The following PALM variants were observed in gnomAD, a reference collection of about 807,000 sequenced individuals.
PALM encodes the protein paralemmin-1.
PALM carries 18 observed loss-of-function variants against 30.7 expected under a neutral mutation model. The observed-to-expected ratio is 0.59, with a 90% CI of 0.41 to 0.87. The LOEUF is 0.87. Among genes scored for constraint, PALM ranks in the 40% least tolerant of loss-of-function variants. PALM has a pLI of 0.00. For missense variants in PALM, 529 were observed against 555.4 expected (o/e 0.95, Z 0.48); for synonymous variants, 286 against 242.8 (o/e 1.18, Z -1.66).
intron 1 of PALM, chr19:722,502 T>TACAGGCTC (rs1199789928): frequency 1.3e-5 from 2 of 152,262 alleles, no homozygotes; most frequent in Non-Finnish European, 2.9e-5. Context: ...ATGCTGGAAT[T>TACAGGCTC]ACAGGCTTGA....
chr19:734,270 G>C (rs1452459064), intron 6 of PALM, 76 bp downstream of exon 6: 1 of 1,464,992 alleles, frequency 6.8e-7, no homozygotes, highest in Non-Finnish European at 9.5e-7. Context: ...GGCGGGGAGT[G>C]AAGCTACAAA....
At chr19:719,601 C>T in intron 1 of PALM, 9 of 986,620 alleles carry the variant, frequency 9.1e-6, no homozygotes, top group Non-Finnish European at 1.1e-5. Context: ...ACCAGGACCG[C>T]CGCCGCCCTG....
chr19:739,227 AATAG>A (rs984906601), intron 7 of PALM, among the ~76,000 whole-genome samples: 1 of 152,082 alleles, frequency 6.6e-6, no homozygotes, highest in African/African-American at 2.4e-5. Context: ...TCTGAGTCTA[AATAG>A]ATGACGGCGT....
In PALM at chr19:740,426, C is replaced by G. The variant is rs1156818362; in HGVS notation, c.577C>G (p.Leu193Val). 9.0e-6 allele frequency: 14 copies of G among 1,554,040 alleles called. 1 individual carries two copies. The East Asian group carries it at 3.4e-4, about 38-fold the overall frequency. Residue 193 changes from leucine to valine, a missense_variant, in exon 8 of 9, where the codon CTG (leucine) becomes GTG (valine). Transcript: ENST00000338448. ...GACCAGGGTGCTGTCCAGCACCACG[C>G]TGCTCCCTCGGCAGCCGCTCCCTCT... The part of the protein sequence containing the change: ...GETRVLSSTT[L>V]LPRQPLPLGI...
chr19:734,265 G>C (rs2032956997), intron 6 of PALM, 71 bp downstream of exon 6: 5 of 1,483,486 alleles, frequency 3.4e-6, no homozygotes, highest in Non-Finnish European at 4.7e-6. Context: ...GGCAGGGCGG[G>C]GAGTGAAGCT....
At chr19:733,672 G>C (rs747538203) in intron 5 of PALM, among the ~76,000 whole-genome samples, 1 of 152,208 alleles carries the variant, frequency 6.6e-6, no homozygotes, top group Non-Finnish European at 1.5e-5. Flanking sequence ...CGCTGATGCG[G>C]GGGTATGTGG....
At chr19:741,369 GCTGAGGGGAGTTGGGCTGCAGGA>G (rs2033182530) in intron 8 of PALM, among the ~76,000 whole-genome samples, 1 of 150,692 alleles carries the variant, frequency 6.6e-6, no homozygotes. Context: ...GGGCTGGAGG[GCTGAGGGGAGTTGGGCTGCAGGA>G]GTGAGGGGAG....
At chr19:714,343 G>A (rs1324960163) in intron 1 of PALM, among the ~76,000 whole-genome samples, 4 of 113,616 alleles carry the variant, frequency 3.5e-5, no homozygotes, top group Non-Finnish European at 7.3e-5. Flanking sequence ...CCCAGCCTAC[G>A]TTCTTTTTTT....
At chr19:719,532 C>G (rs2032385124) in intron 1 of PALM, 5 of 985,620 alleles carry the variant, frequency 5.1e-6, no homozygotes, top group Non-Finnish European at 6.0e-6. Flanking sequence ...GCCAGGGAGG[C>G]TCGGAGACCC....
At chr19:733,191 G>A (rs1042227961) in intron 5 of PALM, among the ~76,000 whole-genome samples, 3 of 152,328 alleles carry the variant, frequency 2.0e-5, no homozygotes, top group Non-Finnish European at 4.4e-5. Context: ...CTCCCAAAGT[G>A]CTGGGATTAG....
At chr19:741,417 T>A (rs1430279626) in intron 8 of PALM, among the ~76,000 whole-genome samples, 1 of 138,060 alleles carries the variant, frequency 7.2e-6, no homozygotes, top group Non-Finnish European at 1.6e-5. Flanking sequence ...GCTGCAGGGG[T>A]GAGGGGAGAC....
In PALM at chr19:718,983, C is replaced by G. The variant is rs546430620; in HGVS notation, c.6-7155C>G. On this transcript the variant is annotated intron_variant, in intron 1 of 8. Coordinates refer to ENST00000338448, the MANE Select transcript of PALM (RefSeq NM_002579.3). ...AGCTGGGGTCCAGACTCCCCGAACT[C>G]CATCCCCTGCTGCCCCCGCACCCCA... The G allele has an allele frequency of 2.7e-5, 7 of 258,654 alleles. No homozygotes were observed. The East Asian group carries it at 1.1e-3, about 39-fold the overall frequency. The allele number at this position is 258,654 out of a possible 1,614,324, so 16.0% of individuals were successfully genotyped here. A position where few individuals can be genotyped will look rare whatever the true frequency, so the allele number is the denominator to read the frequency against.
At chr19:720,712 C>T (rs899800153) in intron 1 of PALM, among the ~76,000 whole-genome samples, 2 of 152,118 alleles carry the variant, frequency 1.3e-5, no homozygotes, top group South Asian at 4.1e-4. Flanking sequence ...CCTGCCCGCC[C>T]GCCTGACATT....
At chr19:711,565 A>G (rs974299963) in intron 1 of PALM, among the ~76,000 whole-genome samples, 2 of 152,224 alleles carry the variant, frequency 1.3e-5, no homozygotes, top group Admixed American at 6.5e-5. Flanking sequence ...AGAGCCTGTT[A>G]AAAGGCAACA....
intron 1 of PALM, chr19:722,966 C>T (rs1222934876): frequency 2.6e-5 from 4 of 152,360 alleles, no homozygotes; most frequent in African/African-American, 9.6e-5. Flanking sequence ...GGCATGGGAG[C>T]TGGACAACTT....
At chr19:721,257 A>T (rs1470965944) in intron 1 of PALM, among the ~76,000 whole-genome samples, 1 of 151,920 alleles carries the variant, frequency 6.6e-6, no homozygotes, top group Non-Finnish European at 1.5e-5. Flanking sequence ...GGGTCTGATT[A>T]ATTATTATTA....
At chr19:726,783 G>A (rs556618810) in intron 2 of PALM, among the ~76,000 whole-genome samples, 9 of 152,206 alleles carry the variant, frequency 5.9e-5, no homozygotes, top group Admixed American at 2.0e-4. Context: ...GATTACAGGC[G>A]TGAGCCACCG....
intron 7 of PALM, among the ~76,000 whole-genome samples, chr19:737,316 C>T (rs1351680495): frequency 8.5e-5 from 13 of 152,212 alleles, no homozygotes; most frequent in Non-Finnish European, 1.5e-5. Context: ...TTGTGCAGTG[C>T]ACAACCTGCT....
In PALM at chr19:727,813, G is replaced by T. The variant is rs2032738039; in HGVS notation, c.269+119G>T. 55 of 954,464 alleles carry T rather than the reference G, an allele frequency of 5.8e-5. No homozygotes were observed. The East Asian group carries it at 1.4e-3, about 25-fold the overall frequency. 59.1% of individuals were successfully genotyped at this position (954,464 alleles called of 1,614,324 possible). On this transcript the variant is annotated intron_variant, in intron 4 of 8. Coordinates refer to ENST00000338448, the MANE Select transcript of PALM (RefSeq NM_002579.3). ...GCTTTGAGGGAGATGCGTGGACCGGGCAGGCCAGGACCCAACATGCTTTGA... is the reference window on the plus strand; with the variant it reads ...GCTTTGAGGGAGATGCGTGGACCGGTCAGGCCAGGACCCAACATGCTTTGA...
Sources: gnomAD v4.1 joint callset for allele counts (sites outside exome capture counted in the v4.1 genomes callset) on GRCh38, gnomAD v4.1.1 for gene constraint, MANE v1.5 for transcripts, NCBI Gene and HGNC (gene_info 2026-07-23, HGNC 2026-07-21) for gene names.